CNTNAP2: variants seen among roughly 807,000 people sequenced by gnomAD.
CNTNAP2 encodes the protein contactin-associated protein-like 2.
Under a neutral mutation model 155.2 loss-of-function variants are expected in CNTNAP2, and 98 were observed. That is an observed-to-expected ratio of 0.63 (90% CI 0.54 to 0.75). The LOEUF (loss-of-function observed/expected upper bound fraction) is 0.75. Ranked by LOEUF, CNTNAP2 falls within the 30% of genes least tolerant of loss-of-function variation. The probability of loss-of-function intolerance (pLI) is 0.00; values close to 1 mark genes in which losing one functional copy is unlikely to be tolerated. For missense variants in CNTNAP2, 1,727 were observed against 1,688.1 expected (o/e 1.02, Z -0.40); for synonymous variants, 651 against 631.2 (o/e 1.03, Z -0.47).
At chr7:147,329,722 A>G (rs1230678131) in intron 9 of CNTNAP2, among the ~76,000 whole-genome samples, 1 of 147,544 alleles carries the variant, frequency 6.8e-6, no homozygotes, top group Non-Finnish European at 1.5e-5. Flanking sequence ...TACTTAGTAT[A>G]TCTCAATTTT....
intron 8 of CNTNAP2, among the ~76,000 whole-genome samples, chr7:147,237,049 CTTTTTTTTTTTTTTTTTTTTT>C (rs548220734): frequency 5.2e-5 from 3 of 57,484 alleles, no homozygotes; most frequent in African/African-American, 6.8e-5. Flanking sequence ...TTCACCTCCT[CTTTTTTTTTTTTTTTTTTTTT>C]TTTTTTTTTT....
At chr7:147,465,200 A>G (rs1433303201) in intron 10 of CNTNAP2, among the ~76,000 whole-genome samples, 2 of 152,198 alleles carry the variant, frequency 1.3e-5, no homozygotes, top group East Asian at 1.9e-4. Flanking sequence ...AAAACTACCT[A>G]CGGAAAACTT....
At chr7:148,291,981 T>C (rs1278978640) in intron 21 of CNTNAP2, among the ~76,000 whole-genome samples, 1 of 152,158 alleles carries the variant, frequency 6.6e-6, no homozygotes, top group Non-Finnish European at 1.5e-5. Flanking sequence ...GGAGTGGTGC[T>C]GGGTGGTGAG....
chr7:147,923,135 T>C (rs1800315925), intron 14 of CNTNAP2, among the ~76,000 whole-genome samples: 1 of 152,082 alleles, frequency 6.6e-6, no homozygotes, highest in Non-Finnish European at 1.5e-5. Flanking sequence ...ATGAGACCAC[T>C]GTCCATGCAA....
intron 3 of CNTNAP2, among the ~76,000 whole-genome samples, chr7:146,984,872 TG>T (rs1204048077): frequency 6.6e-6 from 1 of 152,228 alleles, no homozygotes; most frequent in African/African-American, 2.4e-5. Flanking sequence ...AACATAATGC[TG>T]TTGAAATTCA....
At chr7:146,695,160 C>T (rs965219691) in intron 1 of CNTNAP2, among the ~76,000 whole-genome samples, 7 of 152,070 alleles carry the variant, frequency 4.6e-5, no homozygotes, top group African/African-American at 1.4e-4. Context: ...GTCTTGTTCT[C>T]TCTCTTAGGG....
At chr7:146,777,126 T>C (rs1802403412) in intron 2 of CNTNAP2, among the ~76,000 whole-genome samples, 1 of 152,156 alleles carries the variant, frequency 6.6e-6, no homozygotes, top group Non-Finnish European at 1.5e-5. Context: ...TTTTTGACCA[T>C]TGATATACTG....
intron 4 of CNTNAP2, among the ~76,000 whole-genome samples, chr7:147,055,916 A>G (rs1799553482): frequency 6.6e-6 from 1 of 152,202 alleles, no homozygotes; most frequent in Non-Finnish European, 1.5e-5. Flanking sequence ...GAGACCCTCC[A>G]GGCTTTTCCC....
At chr7:146,397,164 A>G (rs1175794726) in intron 1 of CNTNAP2, among the ~76,000 whole-genome samples, 1 of 152,186 alleles carries the variant, frequency 6.6e-6, no homozygotes, top group African/African-American at 2.4e-5. Context: ...AGTGGCTTTA[A>G]TAACATTGTA....
At chr7:146,761,835 C>G (rs1438778125) in intron 1 of CNTNAP2, among the ~76,000 whole-genome samples, 1 of 151,972 alleles carries the variant, frequency 6.6e-6, no homozygotes. Context: ...CTTCTTTATT[C>G]AATGGTAGGT....
intron 12 of CNTNAP2, among the ~76,000 whole-genome samples, chr7:147,594,112 C>T (rs1014077103): frequency 6.7e-6 from 1 of 149,154 alleles, no homozygotes; most frequent in Non-Finnish European, 1.5e-5. Context: ...GGATTTGCCA[C>T]CCTCTGGTGT....
chr7:147,695,611 A>G (rs1796149003), intron 13 of CNTNAP2, among the ~76,000 whole-genome samples: 1 of 152,254 alleles, frequency 6.6e-6, no homozygotes, highest in Admixed American at 6.5e-5. Flanking sequence ...CAGCCTGACC[A>G]ACATGGTGAA....
At chr7:146,784,297 T>C (rs1802537748) in intron 2 of CNTNAP2, among the ~76,000 whole-genome samples, 1 of 152,184 alleles carries the variant, frequency 6.6e-6, no homozygotes, top group Non-Finnish European at 1.5e-5. Context: ...TTGAAATGGC[T>C]CTGGAATATT....
At chr7:147,050,131 A>G (rs181917672) in intron 4 of CNTNAP2, among the ~76,000 whole-genome samples, 2 of 152,284 alleles carry the variant, frequency 1.3e-5, no homozygotes, top group Admixed American at 6.5e-5. Flanking sequence ...TATTTTTAAA[A>G]CTTAGCAATA....
intron 1 of CNTNAP2, among the ~76,000 whole-genome samples, chr7:146,726,076 A>G (rs1359551361): frequency 6.6e-6 from 1 of 152,182 alleles, no homozygotes; most frequent in Non-Finnish European, 1.5e-5. Flanking sequence ...ACCAGTGGCT[A>G]TACTTCAGGG....
At chr7:148,238,541 C>T (rs6464861) in intron 20 of CNTNAP2, among the ~76,000 whole-genome samples, 33,662 of 152,094 alleles carry the variant, frequency 0.22, 4,168 homozygotes, top group Middle Eastern at 0.29. Flanking sequence ...AAAATGTTTA[C>T]GCAAAATTAA....
intron 10 of CNTNAP2, among the ~76,000 whole-genome samples, chr7:147,399,921 G>A (rs761707503): frequency 3.0e-4 from 45 of 152,240 alleles, no homozygotes; most frequent in Non-Finnish European, 4.9e-4. Context: ...TCTTAGAGAG[G>A]AGGATTGTCA....
intron 21 of CNTNAP2, among the ~76,000 whole-genome samples, chr7:148,347,952 C>G (rs1357294371): frequency 1.3e-5 from 2 of 151,848 alleles, no homozygotes; most frequent in African/African-American, 4.8e-5. Flanking sequence ...CCCCAACTTT[C>G]TTTTTTTTTC....
In CNTNAP2 at chr7:147,961,105, C is replaced by A. The variant is rs181235669; in HGVS notation, c.2256-16757C>A. 7.2e-5 allele frequency among the ~76,000 whole-genome samples: 11 copies of A among 152,076 alleles called. No individual in the cohort carries two copies. The South Asian group carries it at 1.0e-3, about 14-fold the overall frequency. On this transcript the variant is annotated intron_variant, in intron 14 of 23. Transcript: ENST00000361727. ...CAATTCTGTCTCCCCTCACATCTGA[C>A]CTATTCATGTCAGAGATCTCCTACC...
Sources: allele counts gnomAD v4.1 joint callset (sites outside exome capture counted in the v4.1 genomes callset), GRCh38; gene constraint gnomAD v4.1.1; transcripts MANE v1.5; gene names NCBI Gene and HGNC (gene_info 2026-07-23, HGNC 2026-07-21).